Variants in THADA observed in about 807,000 individuals in gnomAD.
THADA encodes THADA armadillo repeat containing.
A neutral mutation model predicts 219.8 loss-of-function variants in THADA; 213 were observed. The ratio of observed to expected loss-of-function variants is 0.97; its 90% CI spans 0.87 to 1.09. The LOEUF (loss-of-function observed/expected upper bound fraction) is 1.09, where lower values mean the gene tolerates loss of function less well. Among genes scored for constraint, THADA ranks in the 50% least tolerant of loss-of-function variants. The pLI is 0.00. For synonymous variants in THADA, 1,018 were observed against 828.9 expected, an observed-to-expected ratio of 1.23 and a Z score of -3.92; for missense variants, 2,956 against 2,311.3, an observed-to-expected ratio of 1.28 and a Z score of -5.72.
intron 4 of THADA, 35 bp downstream of exon 4, chr2:43,590,789 T>A (rs1435314802): frequency 2.1e-5 from 33 of 1,605,520 alleles, no homozygotes; most frequent in Non-Finnish European, 2.7e-5. Flanking sequence ...AATTCAACAT[T>A]TATAACACCC....
intron 29 of THADA, among the ~76,000 whole-genome samples, chr2:43,391,603 GT>G (rs552218606): frequency 4.0e-5 from 6 of 149,404 alleles, no homozygotes; most frequent in East Asian, 2.0e-4. Flanking sequence ...CCTTTCTTTA[GT>G]TTTTTTTTTA....
At chr2:43,408,062 T>G (rs1430873176) in intron 28 of THADA, among the ~76,000 whole-genome samples, 1 of 152,250 alleles carries the variant, frequency 6.6e-6, no homozygotes, top group Non-Finnish European at 1.5e-5. Context: ...CTCTAACTAG[T>G]GTTAAACAAA....
rs1475146736 is a variant in THADA, at chr2:43,308,766, A to C, written c.4438+11680T>G. 7.8e-4 allele frequency among the ~76,000 whole-genome samples: 116 copies of C among 149,076 alleles called. 1 individual carries two copies. Among genetic ancestry groups the C allele is most frequent in the African/African-American group, 2.6e-3 (107 of 40,862 alleles). On this transcript the variant is annotated intron_variant, in intron 31 of 37. Coordinates refer to ENST00000405975, the MANE Select transcript of THADA (RefSeq NM_022065.5). ...ACATTGGATACCCATACCAAAAAAA[A>C]AAAAAAAAAAAAAAAAAAGAATGCC...
intron 31 of THADA, among the ~76,000 whole-genome samples, chr2:43,296,772 A>C: frequency 6.6e-6 from 1 of 152,298 alleles, no homozygotes; most frequent in African/African-American, 2.4e-5. Flanking sequence ...TTACATTCAA[A>C]AGGAATTTCA....
chr2:43,507,809 T>C (rs1173568992), intron 23 of THADA, among the ~76,000 whole-genome samples: 1 of 152,230 alleles, frequency 6.6e-6, no homozygotes, highest in Non-Finnish European at 1.5e-5. Context: ...CACTGGTTTT[T>C]ATTCTTTGGG....
At chr2:43,584,620 A>G (rs1700816767) in intron 7 of THADA, among the ~76,000 whole-genome samples, 1 of 152,252 alleles carries the variant, frequency 6.6e-6, no homozygotes, top group African/African-American at 2.4e-5. Context: ...GGCAACCAAT[A>G]TGCAACAAGA....
At chr2:43,466,151 C>G (rs1684206441) in intron 26 of THADA, among the ~76,000 whole-genome samples, 1 of 152,192 alleles carries the variant, frequency 6.6e-6, no homozygotes, top group African/African-American at 2.4e-5. Flanking sequence ...CAAAGTGTGT[C>G]CTATAAAACA....
intron 26 of THADA, among the ~76,000 whole-genome samples, chr2:43,443,503 T>C (rs753662390): frequency 9.9e-5 from 15 of 152,258 alleles, no homozygotes; most frequent in Admixed American, 2.6e-4. Flanking sequence ...ACTGCAGATA[T>C]AGCGAGCCCT....
intron 23 of THADA, among the ~76,000 whole-genome samples, chr2:43,506,706 G>A (rs1350459681): frequency 6.6e-6 from 1 of 151,974 alleles, no homozygotes. Context: ...ACTTTAAAAG[G>A]GTGACTATAT....
chr2:43,535,441 G>C (rs897699905), intron 21 of THADA, among the ~76,000 whole-genome samples: 4 of 151,284 alleles, frequency 2.6e-5, no homozygotes, highest in Non-Finnish European at 5.9e-5. Context: ...CATTTTGGGA[G>C]TCCACGTCGG....
chr2:43,266,079 G>A (rs1671489548), intron 36 of THADA, among the ~76,000 whole-genome samples: 1 of 152,082 alleles, frequency 6.6e-6, no homozygotes, highest in East Asian at 1.9e-4. Flanking sequence ...ATTTTCTGGT[G>A]TGATGGGACT....
At chr2:43,576,325 AT>A (rs1699851895) in intron 10 of THADA, among the ~76,000 whole-genome samples, 2 of 152,230 alleles carry the variant, frequency 1.3e-5, no homozygotes, top group South Asian at 4.1e-4. Context: ...ACTTTCAGCC[AT>A]TATGGCAAAA....
chr2:43,364,581 G>T (rs893350654), intron 29 of THADA, among the ~76,000 whole-genome samples: 1 of 152,184 alleles, frequency 6.6e-6, no homozygotes, highest in African/African-American at 2.4e-5. Flanking sequence ...ACTGCACTAG[G>T]CATTCTATTA....
intron 36 of THADA, among the ~76,000 whole-genome samples, chr2:43,241,887 T>G (rs1482677605): frequency 6.6e-6 from 1 of 152,142 alleles, no homozygotes; most frequent in East Asian, 1.9e-4. Context: ...CTCCCCTTAC[T>G]TTTACAGGAG....
chr2:43,261,899 A>G (rs1251072620), intron 36 of THADA, among the ~76,000 whole-genome samples: 8 of 151,960 alleles, frequency 5.3e-5, no homozygotes, highest in Admixed American at 2.0e-4. Flanking sequence ...GGCCTCCCAA[A>G]GTGCTAGGAT....
At chr2:43,481,994 C>A (rs1289923631) in intron 26 of THADA, among the ~76,000 whole-genome samples, 1 of 152,126 alleles carries the variant, frequency 6.6e-6, no homozygotes, top group Non-Finnish European at 1.5e-5. Context: ...AGTTTAGCTC[C>A]TGTCCTGTAA....
chr2:43,349,914 G>A (rs1310601011), intron 29 of THADA, among the ~76,000 whole-genome samples: 2 of 152,134 alleles, frequency 1.3e-5, no homozygotes, highest in Non-Finnish European at 2.9e-5. Flanking sequence ...TTCTGTATCT[G>A]CCATTTTGCC....
chr2:43,433,979 G>A (rs1679736092), intron 26 of THADA, among the ~76,000 whole-genome samples: 1 of 152,184 alleles, frequency 6.6e-6, no homozygotes, highest in Admixed American at 6.5e-5. Context: ...ATGAGCCACT[G>A]CGCTCAGCCC....
intron 17 of THADA, among the ~76,000 whole-genome samples, chr2:43,554,122 C>T (rs1248231624): frequency 6.6e-6 from 1 of 152,084 alleles, no homozygotes; most frequent in Non-Finnish European, 1.5e-5. Flanking sequence ...TGATGAAGTC[C>T]AATTTATCTT....
Sources: allele counts gnomAD v4.1 joint callset (sites outside exome capture counted in the v4.1 genomes callset), GRCh38; gene constraint gnomAD v4.1.1; transcripts MANE v1.5; gene names NCBI Gene and HGNC (gene_info 2026-07-23, HGNC 2026-07-21).